DIP2C: variants seen among roughly 807,000 people sequenced by gnomAD.
The protein encoded by DIP2C is DIP2 acetate--CoA ligase C (putative).
DIP2C carries 33 observed loss-of-function variants against 192.4 expected under a neutral mutation model. The ratio of observed to expected loss-of-function variants is 0.17; its 90% CI spans 0.13 to 0.23. The LOEUF (loss-of-function observed/expected upper bound fraction) is 0.23. Ranked by LOEUF, DIP2C falls within the 10% of genes least tolerant of loss-of-function variation. The probability of loss-of-function intolerance (pLI) is 1.00; values close to 1 mark genes in which losing one functional copy is unlikely to be tolerated. For synonymous variants in DIP2C, 979 were observed against 864.1 expected (o/e 1.13, Z -2.33); for missense variants, 1,537 against 2,110.1 (o/e 0.73, Z 5.32).
At chr10:344,435 C>CAT (rs1958320432) in intron 28 of DIP2C, among the ~76,000 whole-genome samples, 1 of 151,996 alleles carries the variant, frequency 6.6e-6, no homozygotes, top group Non-Finnish European at 1.5e-5. Flanking sequence ...GCAAGGGCGG[C>CAT]ATCTGAGCTG....
At position 439,113 on chromosome 10, in the gene DIP2C, A is replaced by G. The variant is rs553185192; in HGVS notation, c.394+1758T>C. 4.6e-5 allele frequency among the ~76,000 whole-genome samples: 7 copies of G among 152,298 alleles called. No homozygotes were observed. In the East Asian group the frequency reaches 1.4e-3, roughly 29 times the overall value. On this transcript the variant is annotated intron_variant, in intron 4 of 36. Coordinates refer to ENST00000280886, the MANE Select transcript of DIP2C (RefSeq NM_014974.3). ...CGCCTGCCCTGGACTCCCAAAGTGC[A>G]GGAGTTACAGGCATGAGCTACCGTG...
intron 3 of DIP2C, among the ~76,000 whole-genome samples, chr10:450,155 CCGACA>C (rs1349853503): frequency 5.3e-5 from 8 of 152,250 alleles, no homozygotes; most frequent in Middle Eastern, 3.4e-3. Flanking sequence ...TGATGTGGAC[CCGACA>C]CAAGAGAGGT....
Position 363,895 on chromosome 10 carries a change from T to C in DIP2C, c.2477+479A>G, listed in dbSNP as rs576374746. On this transcript the variant is annotated intron_variant, in intron 20 of 36. Coordinates refer to ENST00000280886, the MANE Select transcript of DIP2C (RefSeq NM_014974.3). The surrounding 1 kb of genome is among the most constrained non-coding windows in gnomAD (Gnocchi z 5.4). ...AAAACACTTTATGACTTCCTCCAGATTGGCAAAAACTCAGGAACCGTGGCA... is the reference window on the plus strand; with the variant it reads ...AAAACACTTTATGACTTCCTCCAGACTGGCAAAAACTCAGGAACCGTGGCA... 1.3e-5 allele frequency among the ~76,000 whole-genome samples: 2 copies of C among 152,258 alleles called. No homozygotes were observed. The highest frequency in any genetic ancestry group is 1.5e-5 in the Non-Finnish European group (1 of 68,012).
chr10:356,145 C>A, intron 24 of DIP2C: 1 of 556,734 alleles, frequency 1.8e-6, no homozygotes, highest in Non-Finnish European at 3.2e-6. Flanking sequence ...CATAGACTTA[C>A]GATTTCTCTC....
At chr10:292,977 AAAC>A (rs1227474644) in intron 32 of DIP2C, among the ~76,000 whole-genome samples, 1 of 152,234 alleles carries the variant, frequency 6.6e-6, no homozygotes, top group Admixed American at 6.5e-5. Flanking sequence ...GGAGACGTCA[AAAC>A]AACCAAGAAA....
At chr10:609,824 G>T (rs993554902) in intron 1 of DIP2C, among the ~76,000 whole-genome samples, 1 of 152,272 alleles carries the variant, frequency 6.6e-6, no homozygotes, top group Middle Eastern at 3.4e-3. Flanking sequence ...CAGGGTCACT[G>T]GGACCCCTGC....
At position 366,431 on chromosome 10, in the gene DIP2C, C is replaced by A. The variant is rs1447044537; in HGVS notation, c.2132-20G>T. The A allele has an allele frequency of 5.0e-6, 8 of 1,613,916 alleles. No homozygotes were observed. The African/African-American group carries it at 8.0e-5, about 16-fold the overall frequency. On this transcript the variant is annotated intron_variant, in intron 18 of 36. Coordinates refer to ENST00000280886, the MANE Select transcript of DIP2C (RefSeq NM_014974.3). Reference sequence around the variant, plus strand: ...TGATGGCTAAAAGCAAACAGGAAAGCACATGCAGTGTGAGAGGGGGCAGGT... The same window carrying A: ...TGATGGCTAAAAGCAAACAGGAAAGAACATGCAGTGTGAGAGGGGGCAGGT...
At chr10:456,649 C>T (rs1564735168) in intron 3 of DIP2C, among the ~76,000 whole-genome samples, 1 of 152,252 alleles carries the variant, frequency 6.6e-6, no homozygotes. Context: ...AGAGGCCAGA[C>T]GAGACAGGCT....
intron 1 of DIP2C, among the ~76,000 whole-genome samples, chr10:494,142 C>A (rs1446542568): frequency 1.3e-5 from 2 of 152,210 alleles, no homozygotes; most frequent in Admixed American, 1.3e-4. Flanking sequence ...ACTATGTGAC[C>A]CCCTTCTTCA....
At chr10:377,295 G>A (rs775090644) in intron 17 of DIP2C, among the ~76,000 whole-genome samples, 2 of 152,156 alleles carry the variant, frequency 1.3e-5, no homozygotes, top group Non-Finnish European at 2.9e-5. Flanking sequence ...GGCTGGAACT[G>A]GGGGGGACCC....
chr10:519,345 G>A lies in DIP2C; in HGVS notation c.86-32815C>T, dbSNP rs145791332. ...GAAGGAAATTCAGAGAAAGACCCCC[G>A]GGGGCTGGATGGGTCATGCCCAAAG... On this transcript the variant is annotated intron_variant, in intron 1 of 36. Transcript: ENST00000280886. 4.2e-3 allele frequency among the ~76,000 whole-genome samples: 634 copies of A among 152,318 alleles called. 2 individuals are homozygous for A. The highest frequency in any genetic ancestry group is 5.7e-3 in the Non-Finnish European group (390 of 68,002).
chr10:456,242 G>A (rs1969282879), intron 3 of DIP2C, among the ~76,000 whole-genome samples: 1 of 124,750 alleles, frequency 8.0e-6, no homozygotes, highest in Non-Finnish European at 1.7e-5. Context: ...GGGAGGCCGT[G>A]AGGAGTAAAT....
intron 3 of DIP2C, among the ~76,000 whole-genome samples, chr10:449,796 A>AAG (rs1252836891): frequency 2.9e-5 from 4 of 140,210 alleles, no homozygotes; most frequent in African/African-American, 1.3e-4. Flanking sequence ...AAAAAAAAAA[A>AAG]AAGAAGTAAA....
At chr10:344,726 G>A (rs967085601) in intron 28 of DIP2C, 83 bp downstream of exon 28, 32 of 1,158,046 alleles carry the variant, frequency 2.8e-5, no homozygotes, top group African/African-American at 4.6e-5. Context: ...CACGAGAGGC[G>A]CTGAGAGCCA....
chr10:443,033 G>C (rs1967873517), intron 3 of DIP2C, among the ~76,000 whole-genome samples: 1 of 152,202 alleles, frequency 6.6e-6, no homozygotes, highest in South Asian at 2.1e-4. Flanking sequence ...AGACTCAAGA[G>C]TATGCATTTT....
At chr10:339,654 A>G (rs1042514011) in intron 29 of DIP2C, among the ~76,000 whole-genome samples, 3 of 152,154 alleles carry the variant, frequency 2.0e-5, no homozygotes, top group African/African-American at 7.2e-5. Context: ...AGCTTGGCGC[A>G]TATACCTGAG....
intron 1 of DIP2C, among the ~76,000 whole-genome samples, chr10:639,985 G>A (rs1406571717): frequency 2.0e-5 from 3 of 151,276 alleles, no homozygotes; most frequent in Non-Finnish European, 2.9e-5. Flanking sequence ...CACCCGCCAC[G>A]CCTGTGGGCC....
intron 1 of DIP2C, among the ~76,000 whole-genome samples, chr10:583,232 C>G (rs1011677438): frequency 1.3e-5 from 2 of 151,132 alleles, no homozygotes; most frequent in Non-Finnish European, 2.9e-5. Flanking sequence ...TTCTGAAAAG[C>G]CAAGGGGCAT....
At chr10:422,484 T>A (rs1966261692) in intron 5 of DIP2C, among the ~76,000 whole-genome samples, 1 of 152,142 alleles carries the variant, frequency 6.6e-6, no homozygotes, top group Non-Finnish European at 1.5e-5. Context: ...TTTCCTTAAA[T>A]GACTCCCACG....
Sources: gnomAD v4.1 joint callset for allele counts (sites outside exome capture counted in the v4.1 genomes callset) on GRCh38, gnomAD v4.1.1 for gene constraint, Gnocchi (gnomAD v3.1) non-coding constraint, MANE v1.5 for transcripts, NCBI Gene and HGNC (gene_info 2026-07-23, HGNC 2026-07-21) for gene names.